Variants in PIEZO2 observed in about 807,000 individuals in gnomAD.
PIEZO2 encodes the protein piezo type mechanosensitive ion channel component 2.
A neutral mutation model predicts 337.3 loss-of-function variants in PIEZO2; 172 were observed. That is an observed-to-expected ratio of 0.51 (90% CI 0.45 to 0.58). The LOEUF (loss-of-function observed/expected upper bound fraction) is 0.58. Ranked by LOEUF, PIEZO2 falls within the 20% of genes least tolerant of loss-of-function variation. PIEZO2 has a pLI of 0.00. For missense variants in PIEZO2, 3,028 were observed against 3,391.3 expected (o/e 0.89, Z 2.66); for synonymous variants, 1,251 against 1,228.5 (o/e 1.02, Z -0.38).
chr18:10,975,084 T>C (rs2034392170), intron 3 of PIEZO2, among the ~76,000 whole-genome samples: 1 of 152,210 alleles, frequency 6.6e-6, no homozygotes, highest in Admixed American at 6.5e-5. Flanking sequence ...AGTCATTAAT[T>C]GAAAAAGGAA....
intron 2 of PIEZO2, among the ~76,000 whole-genome samples, chr18:11,025,648 G>A (rs1384737864): frequency 2.9e-4 from 44 of 152,104 alleles, no homozygotes; most frequent in Admixed American, 2.9e-3. Context: ...GATTCTCTCT[G>A]TTTTTGACAC....
Position 10,708,765 on chromosome 18 carries a change from G to A in PIEZO2, c.5424-326C>T, listed in dbSNP as rs117824832. Among the ~76,000 whole-genome samples, 23 of 152,290 alleles carry A rather than the reference G, an allele frequency of 1.5e-4. No homozygotes were observed. The East Asian group carries it at 3.1e-3, about 20-fold the overall frequency. ...GTATAATTTATGTAATTATAACTTC[G>A]TAACAGAGGGTTTCTTTTAAATGAA... On this transcript the variant is annotated intron_variant, in intron 39 of 55. Coordinates refer to ENST00000674853, the MANE Select transcript of PIEZO2 (RefSeq NM_001378183.1).
At position 10,713,183 on chromosome 18, in the gene PIEZO2, T is replaced by C. The variant is rs1281819865; in HGVS notation, c.5423+1581A>G. ...TTTTAAAACTTGGATTTTTACTAAA[T>C]ATATGTATATATTTTACTGTGTATA... On this transcript the variant is annotated intron_variant, in intron 39 of 55. Coordinates refer to ENST00000674853, the MANE Select transcript of PIEZO2 (RefSeq NM_001378183.1). The surrounding 1 kb of genome is among the most constrained non-coding windows in gnomAD (Gnocchi z 4.5). 6.6e-6 allele frequency among the ~76,000 whole-genome samples: 1 copy of C among 152,162 alleles called. No individual in the cohort carries two copies. Among genetic ancestry groups the C allele is most frequent in the Non-Finnish European group, 1.5e-5 (1 of 68,024 alleles).
Position 11,082,647 on chromosome 18 carries a change from T to C in PIEZO2, c.65-16425A>G, listed in dbSNP as rs115386850. ...TTGGTTAGCCCTTCCTTGGAACAAA[T>C]GAATCCTGAGAAACAAATAATTCTT... On this transcript the variant is annotated intron_variant, in intron 1 of 55. Coordinates refer to ENST00000674853, the MANE Select transcript of PIEZO2 (RefSeq NM_001378183.1). 3.4e-3 allele frequency among the ~76,000 whole-genome samples: 520 copies of C among 152,300 alleles called. 1 individual carries two copies. The highest frequency in any genetic ancestry group is 0.012 in the African/African-American group (501 of 41,570).
chr18:10,780,346 C>T lies in PIEZO2; in HGVS notation c.2513G>A (p.Arg838His), dbSNP rs778369027. 2.0e-5 allele frequency: 14 copies of T among 702,752 alleles called. No homozygotes were observed. Among genetic ancestry groups the T allele is most frequent in the South Asian group, 3.0e-5 (2 of 67,596 alleles). The allele number at this position is 702,752 out of a possible 1,614,324, so 43.5% of individuals were successfully genotyped here. ...CCACCTATTTATTATTAGATATACG[C>T]GACCATTGACTTTGGCATGGCTACG... The part of the protein sequence containing the change: ...TIYSHAKVNG[R>H]VYLIINSIKK... The change falls in exon 18 of 56, where the codon CGC becomes CAC. Residue 838 changes from arginine to histidine, a missense_variant. Coordinates refer to ENST00000674853, the MANE Select transcript of PIEZO2 (RefSeq NM_001378183.1).
In PIEZO2 at chr18:10,854,197, C is replaced by T. The variant is rs898467479; in HGVS notation, c.917+1156G>A. On this transcript the variant is annotated intron_variant, in intron 7 of 55. Transcript: ENST00000674853. The surrounding 1 kb of genome is among the most constrained non-coding windows in gnomAD (Gnocchi z 4.6). Reference sequence around the variant, plus strand: ...ATTTTCTGTAAATGGGAGGTTAGGTCAAAAGTCTTAACCATATGATGCTGT... The same window carrying T: ...ATTTTCTGTAAATGGGAGGTTAGGTTAAAAGTCTTAACCATATGATGCTGT... Among the ~76,000 whole-genome samples, 1 of 152,078 alleles carries T rather than the reference C, an allele frequency of 6.6e-6. No individual in the cohort carries two copies. The highest frequency in any genetic ancestry group is 2.4e-5 in the African/African-American group (1 of 41,396).
chr18:10,882,579 G>A (rs1328557970), intron 4 of PIEZO2, among the ~76,000 whole-genome samples: 1 of 151,994 alleles, frequency 6.6e-6, no homozygotes, highest in African/African-American at 2.4e-5. Flanking sequence ...TTTATGCAAA[G>A]GTTTTCATTT....
intron 36 of PIEZO2, chr18:10,728,336 T>G (rs962984511): frequency 6.6e-6 from 1 of 152,274 alleles, no homozygotes; most frequent in African/African-American, 2.4e-5. Context: ...TCTAAATAAG[T>G]CATCCCACTT....
At chr18:10,971,162 T>C (rs1410551199) in intron 3 of PIEZO2, among the ~76,000 whole-genome samples, 2 of 152,104 alleles carry the variant, frequency 1.3e-5, no homozygotes, top group Non-Finnish European at 2.9e-5. Flanking sequence ...TCAAGAGGCA[T>C]CTGGGAAAAT....
At chr18:10,678,839 C>G (rs965599148) in intron 52 of PIEZO2, among the ~76,000 whole-genome samples, 2 of 152,152 alleles carry the variant, frequency 1.3e-5, no homozygotes, top group Non-Finnish European at 1.5e-5. Context: ...GTCAAGCTGC[C>G]CTCGCATCTC....
chr18:11,118,668 T>C (rs2039952179), intron 1 of PIEZO2, among the ~76,000 whole-genome samples: 1 of 152,174 alleles, frequency 6.6e-6, no homozygotes. Flanking sequence ...AAGTCACTGA[T>C]ACAAAGATTG....
At chr18:10,892,108 T>C (rs1002969229) in intron 4 of PIEZO2, among the ~76,000 whole-genome samples, 2 of 152,088 alleles carry the variant, frequency 1.3e-5, no homozygotes, top group Non-Finnish European at 2.9e-5. Flanking sequence ...CTGCAAACAT[T>C]CATAGCAGCT....
At chr18:11,081,952 G>T (rs575602150) in intron 1 of PIEZO2, among the ~76,000 whole-genome samples, 2 of 151,996 alleles carry the variant, frequency 1.3e-5, no homozygotes, top group East Asian at 3.9e-4. Flanking sequence ...TAGAGACGGG[G>T]TTTCACCATA....
intron 4 of PIEZO2, among the ~76,000 whole-genome samples, chr18:10,884,151 C>T (rs1046501951): frequency 6.6e-6 from 1 of 152,072 alleles, no homozygotes; most frequent in Non-Finnish European, 1.5e-5. Flanking sequence ...TACATGTAAT[C>T]GTGATGATGT....
rs548394545 is a variant in PIEZO2 at position 10,724,906 on chromosome 18, C to G, written c.5029+6501G>C. Reference sequence around the variant, plus strand: ...TACTGGCCGGCGGGGGCGTGGCACCCTGGGACAGCCTCCACCTGGACGGCG... The same window carrying G: ...TACTGGCCGGCGGGGGCGTGGCACCGTGGGACAGCCTCCACCTGGACGGCG... On this transcript the variant is annotated intron_variant, in intron 36 of 55. Transcript: ENST00000674853. This position sits in a 1 kb window ranked among gnomAD's most constrained non-coding sequence, Gnocchi z 5.8. 1.6e-3 allele frequency: 2,540 copies of G among 1,609,302 alleles called. 54 individuals carry two copies. In the South Asian group the frequency reaches 0.026, roughly 17 times the overall value.
chr18:11,006,040 G>A (rs940158953), intron 2 of PIEZO2, among the ~76,000 whole-genome samples: 3 of 151,310 alleles, frequency 2.0e-5, no homozygotes, highest in African/African-American at 2.4e-5. Context: ...CATTTCTCTC[G>A]TTGGATCTTA....
rs1568050829 is a variant in PIEZO2, at chr18:10,782,316, A to AT, written c.2493-1951dup. Among the ~76,000 whole-genome samples the AT allele has an allele frequency of 2.4e-3, 242 of 99,584 alleles. 2 individuals are homozygous for AT. Among genetic ancestry groups the AT allele is most frequent in the South Asian group, 0.015 (56 of 3,666 alleles). 65.3% of individuals were successfully genotyped at this position (99,584 alleles called of 152,430 possible). A position where few individuals can be genotyped will look rare whatever the true frequency, so the allele number is the denominator to read the frequency against. ...ATAATTATATATAAATAATTATATA[A>AT]TATATTATAATTATATATAAATAAT... On this transcript the variant is annotated intron_variant, in intron 17 of 55. Coordinates refer to ENST00000674853, the MANE Select transcript of PIEZO2 (RefSeq NM_001378183.1).
rs767427143 is a variant in PIEZO2 at position 10,715,776 on chromosome 18, G to A, written c.5130C>T (p.Thr1710=). The A allele has an allele frequency of 3.8e-5, 58 of 1,533,530 alleles. No homozygotes were observed. In the South Asian group the frequency reaches 6.7e-4, roughly 18 times the overall value. 95.0% of individuals were successfully genotyped at this position (1,533,530 alleles called of 1,614,324 possible). Residue 1710 remains threonine (T), a synonymous_variant, in exon 38 of 56, where the codon ACC becomes ACT. Transcript: ENST00000674853. ...CCACTGTTGCCAGAAATAGGACCCA[G>A]GTAAATTTCAAAATATTAAATATCC... ...IKRIFNILKF[T]WVLFLATVDS...
In PIEZO2 at chr18:10,888,672, G is replaced by A. The variant is rs1376291931; in HGVS notation, c.330-17257C>T. 6.6e-6 allele frequency among the ~76,000 whole-genome samples: 1 copy of A among 151,950 alleles called. No homozygotes were observed. Among genetic ancestry groups the A allele is most frequent in the South Asian group, 2.1e-4 (1 of 4,812 alleles). On this transcript the variant is annotated intron_variant, in intron 4 of 55. Transcript: ENST00000674853. This position sits in a 1 kb window ranked among gnomAD's most constrained non-coding sequence, Gnocchi z 4.1. Reference sequence around the variant, plus strand: ...CTTTCAACTTGAGTTTAACTGCTCAGGATTCTTTCTAGCCTCTGCTTTGTA... The same window carrying A: ...CTTTCAACTTGAGTTTAACTGCTCAAGATTCTTTCTAGCCTCTGCTTTGTA...
Sources: gnomAD v4.1 joint callset for allele counts (sites outside exome capture counted in the v4.1 genomes callset) on GRCh38, gnomAD v4.1.1 for gene constraint, Gnocchi (gnomAD v3.1) non-coding constraint, MANE v1.5 for transcripts, NCBI Gene and HGNC (gene_info 2026-07-23, HGNC 2026-07-21) for gene names.